GRIK2: variants seen among roughly 807,000 people sequenced by gnomAD.
GRIK2 encodes glutamate ionotropic receptor kainate type subunit 2, also known as glutamate receptor ionotropic, kainate 2.
A neutral mutation model predicts 100.3 loss-of-function variants in GRIK2; 32 were observed. The ratio of observed to expected loss-of-function variants is 0.32; its 90% CI spans 0.24 to 0.43. The LOEUF (loss-of-function observed/expected upper bound fraction) is 0.43, where lower values mean the gene tolerates loss of function less well. GRIK2 is among the 20% of genes least tolerant of loss of function. GRIK2 has a pLI of 1.00. For synonymous variants in GRIK2, 417 were observed against 389.4 expected, an observed-to-expected ratio of 1.07 and a Z score of -0.83; for missense variants, 843 against 1,114.9, an observed-to-expected ratio of 0.76 and a Z score of 3.47.
chr6:101,487,658 A>G lies in GRIK2; in HGVS notation c.115+88266A>G, dbSNP rs182924604. Among the ~76,000 whole-genome samples, 327 of 146,728 alleles carry G rather than the reference A, an allele frequency of 2.2e-3. 46 individuals carry two copies. The highest frequency in any genetic ancestry group is 8.1e-3 in the African/African-American group (315 of 38,706). On this transcript the variant is annotated intron_variant, in intron 2 of 16. Transcript: ENST00000369134. ...ATGACTTACACATAGTAACACACAT[A>G]ATGTGACTTACACATGGTAGCCCCT...
chr6:101,880,773 G>A (rs1786190521), intron 11 of GRIK2, among the ~76,000 whole-genome samples: 2 of 151,772 alleles, frequency 1.3e-5, no homozygotes, highest in African/African-American at 2.4e-5. Context: ...GAACATATGA[G>A]AATAATAAGA....
chr6:101,604,394 C>G (rs1779355833), intron 2 of GRIK2, among the ~76,000 whole-genome samples: 1 of 151,846 alleles, frequency 6.6e-6, no homozygotes, highest in East Asian at 1.9e-4. Flanking sequence ...TCCATTTGCC[C>G]TTCTGCAGTC....
chr6:101,418,021 G>A (rs568549644), intron 2 of GRIK2, among the ~76,000 whole-genome samples: 1 of 152,298 alleles, frequency 6.6e-6, no homozygotes, highest in South Asian at 2.1e-4. Context: ...AGTTCTGTGT[G>A]TTTATTGACT....
At chr6:101,403,720 A>G (rs1005437928) in intron 2 of GRIK2, among the ~76,000 whole-genome samples, 3 of 149,708 alleles carry the variant, frequency 2.0e-5, no homozygotes, top group African/African-American at 7.3e-5. Flanking sequence ...TTGAGAGGTG[A>G]GGTGGGCGGG....
chr6:101,792,101 C>T (rs1361636459), intron 7 of GRIK2, among the ~76,000 whole-genome samples: 1 of 151,756 alleles, frequency 6.6e-6, no homozygotes, highest in Admixed American at 6.6e-5. Flanking sequence ...CTATGTGTGT[C>T]TCTGCACGTG....
intron 10 of GRIK2, among the ~76,000 whole-genome samples, chr6:101,854,470 G>C (rs1236013358): frequency 1.3e-5 from 2 of 152,094 alleles, no homozygotes; most frequent in East Asian, 3.9e-4. Context: ...ATGTTGGCCA[G>C]GCTGGTCTCA....
At chr6:101,970,878 G>A (rs1793007285) in intron 14 of GRIK2, among the ~76,000 whole-genome samples, 2 of 150,168 alleles carry the variant, frequency 1.3e-5, no homozygotes, top group African/African-American at 5.0e-5. Flanking sequence ...AGAAGTGAAG[G>A]CAAAAAATGA....
intron 2 of GRIK2, among the ~76,000 whole-genome samples, chr6:101,561,607 C>A (rs1582719575): frequency 6.6e-6 from 1 of 151,858 alleles, no homozygotes; most frequent in South Asian, 2.1e-4. Flanking sequence ...ATATTACATG[C>A]ACTCCCAGAA....
chr6:101,864,694 C>G (rs1163386041), intron 11 of GRIK2, among the ~76,000 whole-genome samples: 1 of 152,050 alleles, frequency 6.6e-6, no homozygotes, highest in Non-Finnish European at 1.5e-5. Context: ...AAAAAGGTGC[C>G]AATGTTTTTG....
chr6:101,882,541 G>A (rs1223937225), intron 11 of GRIK2, among the ~76,000 whole-genome samples: 1 of 151,916 alleles, frequency 6.6e-6, no homozygotes, highest in Admixed American at 6.6e-5. Flanking sequence ...AGGTGCTGAA[G>A]CAGCAGCTAA....
intron 14 of GRIK2, among the ~76,000 whole-genome samples, chr6:101,956,795 A>ATAGATG (rs1323269963): frequency 6.8e-6 from 1 of 147,728 alleles, no homozygotes; most frequent in Non-Finnish European, 1.5e-5. Flanking sequence ...AAATTTTCTT[A>ATAGATG]TATATATCAA....
At chr6:101,792,054 T>G (rs1259739279) in intron 7 of GRIK2, among the ~76,000 whole-genome samples, 7 of 152,072 alleles carry the variant, frequency 4.6e-5, no homozygotes, top group African/African-American at 9.7e-5. Flanking sequence ...GTTTTCCATT[T>G]GCTTGGTCGA....
chr6:101,449,259 G>A (rs1330044999), intron 2 of GRIK2, among the ~76,000 whole-genome samples: 1 of 151,558 alleles, frequency 6.6e-6, no homozygotes, highest in Non-Finnish European at 1.5e-5. Flanking sequence ...TCTCTCATTT[G>A]TAAGAATATA....
At chr6:101,977,518 T>C (rs1452702833) in intron 14 of GRIK2, among the ~76,000 whole-genome samples, 1 of 151,650 alleles carries the variant, frequency 6.6e-6, no homozygotes, top group Non-Finnish European at 1.5e-5. Context: ...CAATGTGGAG[T>C]CCCCAGGCAA....
intron 7 of GRIK2, among the ~76,000 whole-genome samples, chr6:101,709,015 ATAGT>A (rs1369150925): frequency 6.6e-6 from 1 of 151,852 alleles, no homozygotes; most frequent in Non-Finnish European, 1.5e-5. Context: ...ATTGACCACC[ATAGT>A]TAGTCAATTT....
chr6:101,410,555 T>C (rs1582387699), intron 2 of GRIK2, among the ~76,000 whole-genome samples: 2 of 152,080 alleles, frequency 1.3e-5, no homozygotes, highest in African/African-American at 4.8e-5. Flanking sequence ...GGGATCAGCA[T>C]AGAAGTGTCT....
intron 2 of GRIK2, among the ~76,000 whole-genome samples, chr6:101,410,484 A>G (rs1775840247): frequency 6.6e-6 from 1 of 152,002 alleles, no homozygotes; most frequent in Non-Finnish European, 1.5e-5. Flanking sequence ...CACTAACCTC[A>G]GCATTCTTCC....
chr6:101,426,082 A>G (rs1776685140), intron 2 of GRIK2, among the ~76,000 whole-genome samples: 1 of 152,158 alleles, frequency 6.6e-6, no homozygotes, highest in African/African-American at 2.4e-5. Flanking sequence ...TGATCATTAC[A>G]TCTTTTCGCT....
At chr6:101,849,359 G>A (rs186120128) in intron 10 of GRIK2, among the ~76,000 whole-genome samples, 1 of 152,152 alleles carries the variant, frequency 6.6e-6, no homozygotes, top group African/African-American at 2.4e-5. Flanking sequence ...AAGTGTGACT[G>A]TCCCCTCTGC....
Sources: allele counts gnomAD v4.1 joint callset (sites outside exome capture counted in the v4.1 genomes callset), GRCh38; gene constraint gnomAD v4.1.1; transcripts MANE v1.5; gene names NCBI Gene and HGNC (gene_info 2026-07-23, HGNC 2026-07-21).